Variants in ADAMTS17 observed in about 807,000 individuals in gnomAD.
ADAMTS17 encodes the protein A disintegrin and metalloproteinase with thrombospondin motifs 17.
A neutral mutation model predicts 141.5 loss-of-function variants in ADAMTS17; 113 were observed. The observed-to-expected ratio is 0.80, with a 90% confidence interval of 0.69 to 0.93. ADAMTS17 has a LOEUF of 0.93. ADAMTS17 is among the 40% of genes least tolerant of loss of function. ADAMTS17 has a pLI of 0.00. For missense variants in ADAMTS17, 1,659 were observed against 1,517.9 expected (o/e 1.09, Z -1.54); for synonymous variants, 768 against 630.6 (o/e 1.22, Z -3.27).
chr15:100,033,855 C>T (rs1280429536), intron 18 of ADAMTS17, among the ~76,000 whole-genome samples: 1 of 152,188 alleles, frequency 6.6e-6, no homozygotes, highest in African/African-American at 2.4e-5. Flanking sequence ...TTCTGTGGCC[C>T]AGCAAGGCCC....
At chr15:100,110,275 A>ATAT (rs2036686177) in intron 13 of ADAMTS17, among the ~76,000 whole-genome samples, 3 of 145,284 alleles carry the variant, frequency 2.1e-5, no homozygotes, top group Admixed American at 7.0e-5. Flanking sequence ...ATATATATAT[A>ATAT]TTTTTTTGAG....
At chr15:100,049,119 G>T (rs545682291) in intron 17 of ADAMTS17, 127 bp from the exon 18 acceptor site, 131 of 1,388,146 alleles carry the variant, frequency 9.4e-5, no homozygotes, top group Non-Finnish European at 1.3e-4. Context: ...AGTGACTGCT[G>T]TAAATGTCAT....
chr15:100,119,204 C>A (rs150402760), intron 12 of ADAMTS17, among the ~76,000 whole-genome samples: 79 of 152,270 alleles, frequency 5.2e-4, no homozygotes, highest in African/African-American at 1.8e-3. Context: ...GACTTCCAGC[C>A]TCCAGGACTG....
chr15:100,147,488 T>C (rs1448030792), intron 10 of ADAMTS17, among the ~76,000 whole-genome samples: 1 of 152,204 alleles, frequency 6.6e-6, no homozygotes, highest in East Asian at 1.9e-4. Context: ...ACTGTACTAC[T>C]ACTACTACAC....
intron 4 of ADAMTS17, among the ~76,000 whole-genome samples, chr15:100,269,519 A>G (rs1310027264): frequency 1.3e-5 from 2 of 152,194 alleles, no homozygotes; most frequent in Non-Finnish European, 2.9e-5. Flanking sequence ...TGCTCCCAGG[A>G]GGTGAGCTCT....
At chr15:100,202,380 C>T (rs1379634028) in intron 7 of ADAMTS17, among the ~76,000 whole-genome samples, 1 of 152,074 alleles carries the variant, frequency 6.6e-6, no homozygotes, top group Non-Finnish European at 1.5e-5. Context: ...GGATCAAGGT[C>T]GAGTGCTTTT....
chr15:100,164,138 A>G (rs1289700188), intron 8 of ADAMTS17, among the ~76,000 whole-genome samples: 1 of 146,858 alleles, frequency 6.8e-6, no homozygotes, highest in Non-Finnish European at 1.5e-5. Context: ...CCACCCCTGC[A>G]CTCCAGGGAC....
At chr15:100,208,916 C>T (rs1480952) in intron 7 of ADAMTS17, among the ~76,000 whole-genome samples, 103,699 of 151,856 alleles carry the variant, frequency 0.68, 35,625 homozygotes, top group South Asian at 0.74. Flanking sequence ...CCAGGCTTTA[C>T]CTGTATCACT....
In ADAMTS17 at chr15:99,976,185, A is replaced by G. The variant is rs1242899242; in HGVS notation, c.2987T>C (p.Val996Ala). 5.2e-6 allele frequency: 8 copies of G among 1,549,384 alleles called. No homozygotes were observed. The highest frequency in any genetic ancestry group is 1.4e-5 in the African/African-American group (1 of 73,056). The change falls in exon 21 of 22, where the codon GTG becomes GCG. Residue 996 changes from valine to alanine, a missense_variant. Val to Ala is a moderately conservative substitution (Grantham distance 64). Coordinates refer to ENST00000268070, the MANE Select transcript of ADAMTS17 (RefSeq NM_139057.4). ...TGTGACCTTGTGCATGCACTGCACC[A>G]CCCGGGACTGCAGGCCCTTCCCGCA... ...STCGKGLQSRVVQCMHKVTGR... is the reference protein window; with the variant it reads ...STCGKGLQSRAVQCMHKVTGR...
At chr15:100,108,580 G>A (rs116837195) in intron 14 of ADAMTS17, among the ~76,000 whole-genome samples, 6 of 152,298 alleles carry the variant, frequency 3.9e-5, no homozygotes, top group African/African-American at 1.4e-4. Flanking sequence ...CTCCCTGACA[G>A]CTGGGCGCAC....
chr15:100,163,243 G>C (rs1050889662), intron 8 of ADAMTS17, among the ~76,000 whole-genome samples: 1 of 151,996 alleles, frequency 6.6e-6, no homozygotes, highest in Non-Finnish European at 1.5e-5. Flanking sequence ...GACAGATAAA[G>C]AGAGACAGAG....
In ADAMTS17 at chr15:100,133,310, T is replaced by C; in HGVS notation, c.1479A>G (p.Leu493=). The change falls in exon 11 of 22, where the codon CTA becomes CTG. Residue 493 remains leucine, a synonymous_variant. Transcript: ENST00000268070. The stretch of plus-strand genomic sequence containing the variant: ...CCAGGCACCACAGTCCAGCACACAT[T>C]AGATGCTGCAGGACAAGGGAAGGAA... ...NATFCRNMEH[L]MCAGLWCLVE... 1 of 1,583,828 alleles carries C rather than the reference T, an allele frequency of 6.3e-7. No individual in the cohort carries two copies. Among genetic ancestry groups the C allele is most frequent in the Non-Finnish European group, 8.6e-7 (1 of 1,162,152 alleles).
At chr15:99,977,383 TATATATATATATATATAA>T (rs1275095782) in intron 20 of ADAMTS17, among the ~76,000 whole-genome samples, 6,810 of 24,174 alleles carry the variant, frequency 0.28, 1,687 homozygotes, top group Non-Finnish European at 0.34. Flanking sequence ...TATATATATA[TATATATATATATATATAA>T]TTTTTTTTTT....
chr15:100,250,807 A>C (rs1418615738), intron 7 of ADAMTS17, among the ~76,000 whole-genome samples: 1 of 152,166 alleles, frequency 6.6e-6, no homozygotes, highest in African/African-American at 2.4e-5. Context: ...GTCAGATGTT[A>C]CCACTGGACA....
chr15:100,205,498 CAGGA>C (rs1403175123), intron 7 of ADAMTS17, among the ~76,000 whole-genome samples: 9 of 152,178 alleles, frequency 5.9e-5, no homozygotes. Flanking sequence ...CTCGTGTCAG[CAGGA>C]CCCATCACGT....
intron 15 of ADAMTS17, among the ~76,000 whole-genome samples, chr15:100,073,108 G>A (rs962426049): frequency 1.1e-4 from 17 of 152,168 alleles, no homozygotes; most frequent in African/African-American, 3.6e-4. Context: ...CAAAGGATAT[G>A]AACAGACACT....
At chr15:100,282,512 T>G (rs563803612) in intron 3 of ADAMTS17, among the ~76,000 whole-genome samples, 3 of 152,228 alleles carry the variant, frequency 2.0e-5, no homozygotes, top group Non-Finnish European at 4.4e-5. Flanking sequence ...GAGATTTACA[T>G]TAACGAATGG....
intron 15 of ADAMTS17, among the ~76,000 whole-genome samples, chr15:100,080,187 C>T (rs1427911390): frequency 6.6e-6 from 1 of 152,122 alleles, no homozygotes; most frequent in African/African-American, 2.4e-5. Context: ...ATTCTGCTGG[C>T]CTGGAGATCT....
At chr15:100,045,035 T>C (rs1428841290) in intron 18 of ADAMTS17, among the ~76,000 whole-genome samples, 1 of 152,126 alleles carries the variant, frequency 6.6e-6, no homozygotes, top group Non-Finnish European at 1.5e-5. Context: ...CTTGAAATCT[T>C]GACCTCAGTG....
Sources: allele counts gnomAD v4.1 joint callset (sites outside exome capture counted in the v4.1 genomes callset), GRCh38; gene constraint gnomAD v4.1.1; transcripts MANE v1.5; gene names NCBI Gene and HGNC (gene_info 2026-07-23, HGNC 2026-07-21).